YAE1: variants seen among roughly 807,000 people sequenced by gnomAD.
The protein encoded by YAE1 is YAE1 maturation factor of ABCE1.
YAE1 carries 22 observed loss-of-function variants against 23.0 expected under a neutral mutation model. The ratio of observed to expected loss-of-function variants is 0.96; its 90% confidence interval spans 0.68 to 1.37. The LOEUF (loss-of-function observed/expected upper bound fraction) is 1.37, where lower values mean the gene tolerates loss of function less well. YAE1 is among the 40% of genes most tolerant of loss of function. The pLI is 0.00. For synonymous variants in YAE1, 101 were observed against 97.0 expected, an observed-to-expected ratio of 1.04 and a Z score of -0.24; for missense variants, 260 against 262.1, an observed-to-expected ratio of 0.99 and a Z score of 0.06.
chr7:39,609,961 T>C, exon 3 of YAE1: 1 of 1,519,146 alleles, frequency 6.6e-7, no homozygotes, highest in Non-Finnish European at 8.8e-7. Context: ...TATAATAGAA[T>C]CATTATCAGA....
intron 2 of YAE1, among the ~76,000 whole-genome samples, chr7:39,587,431 T>C (rs1029085606): frequency 1.1e-4 from 17 of 152,162 alleles, no homozygotes; most frequent in African/African-American, 3.6e-4. Flanking sequence ...CAGTTAATCT[T>C]TACCACCCTT....
intron 2 of YAE1, among the ~76,000 whole-genome samples, chr7:39,603,264 G>A (rs1265941730): frequency 1.3e-5 from 2 of 152,100 alleles, no homozygotes; most frequent in Non-Finnish European, 2.9e-5. Flanking sequence ...TCAGCCTCCC[G>A]AGTAGCTGGG....
chr7:39,584,878 T>C (rs1790793596), intron 2 of YAE1, among the ~76,000 whole-genome samples: 1 of 152,056 alleles, frequency 6.6e-6, no homozygotes, highest in Non-Finnish European at 1.5e-5. Flanking sequence ...AATCATGCAA[T>C]TTATATAGCA....
intron 2 of YAE1, among the ~76,000 whole-genome samples, chr7:39,603,157 T>G (rs1791077896): frequency 6.6e-6 from 1 of 151,812 alleles, no homozygotes; most frequent in Non-Finnish European, 1.5e-5. Context: ...TTTGTTTGTT[T>G]GTTTGTTTTT....
intron 2 of YAE1, among the ~76,000 whole-genome samples, chr7:39,600,602 G>T (rs189789095): frequency 1.3e-5 from 2 of 152,024 alleles, no homozygotes; most frequent in African/African-American, 4.8e-5. Context: ...TCGCCATGTT[G>T]GTCAGGCTGG....
chr7:39,596,197 T>C (rs192337036), intron 2 of YAE1, among the ~76,000 whole-genome samples: 1 of 152,126 alleles, frequency 6.6e-6, no homozygotes, highest in Non-Finnish European at 1.5e-5. Context: ...GTCACTTATT[T>C]TTTTTTCTTT....
At chr7:39,580,373 CAA>C (rs1790722432) in intron 2 of YAE1, among the ~76,000 whole-genome samples, 2 of 152,184 alleles carry the variant, frequency 1.3e-5, no homozygotes, top group African/African-American at 4.8e-5. Context: ...CAAAAAGAGC[CAA>C]GAGTCCTCAG....
chr7:39,583,576 A>G (rs1230034400), intron 2 of YAE1, among the ~76,000 whole-genome samples: 1 of 152,260 alleles, frequency 6.6e-6, no homozygotes, highest in Admixed American at 6.5e-5. Context: ...TTGGTTCTCC[A>G]CATTGATTTG....
chr7:39,578,373 C>G (rs1463576660), intron 2 of YAE1, among the ~76,000 whole-genome samples: 3 of 152,090 alleles, frequency 2.0e-5, no homozygotes, highest in East Asian at 1.9e-4. Context: ...GGAATAAAAG[C>G]AGGCTGCCCA....
In YAE1 at chr7:39,579,647, AAC is replaced by A. The variant is rs1469681427; in HGVS notation, c.251+9022_251+9023del. ...CACGCCACTGCACTCCAGCCTGGAC[AAC>A]AGAGTGAGACTCTGTCTCAAAAAAA... On this transcript the variant is annotated intron_variant, in intron 2 of 2. Transcript: ENST00000432096. Among the ~76,000 whole-genome samples the A allele has an allele frequency of 8.8e-5, 13 of 146,920 alleles. No individual in the cohort carries two copies. The East Asian group carries it at 2.4e-3, about 27-fold the overall frequency.
At chr7:39,577,507 G>A (rs1000313582), downstream of YAE1, among the ~76,000 whole-genome samples, 8 of 152,222 alleles carry the variant, frequency 5.3e-5, no homozygotes, top group African/African-American at 9.6e-5. Context: ...TGCACTTGGA[G>A]TGGCCGGCCA....
chr7:39,570,901 G>A, intron 2 of YAE1: 1 of 316,910 alleles, frequency 3.2e-6, no homozygotes, highest in Non-Finnish European at 5.7e-6. Context: ...CTCATTGAAA[G>A]GTCTTCAGAT....
At chr7:39,605,224 T>C (rs1158589722) in intron 2 of YAE1, among the ~76,000 whole-genome samples, 1 of 152,184 alleles carries the variant, frequency 6.6e-6, no homozygotes, top group African/African-American at 2.4e-5. Context: ...GTCTGCAACC[T>C]ACTATGAGGT....
chr7:39,602,807 G>C (rs1008003805), intron 2 of YAE1, among the ~76,000 whole-genome samples: 3 of 152,206 alleles, frequency 2.0e-5, no homozygotes, highest in Non-Finnish European at 4.4e-5. Context: ...GGAGTGCCGT[G>C]GCACAATCTC....
At chr7:39,587,053 TTCTC>T (rs1458088038) in intron 2 of YAE1, among the ~76,000 whole-genome samples, 1 of 151,904 alleles carries the variant, frequency 6.6e-6, no homozygotes, top group Admixed American at 6.6e-5. Flanking sequence ...TTTTCTTTCT[TTCTC>T]TTTCTTTCTT....
chr7:39,604,537 T>C (rs1476352461), intron 2 of YAE1, among the ~76,000 whole-genome samples: 2 of 152,234 alleles, frequency 1.3e-5, no homozygotes, highest in African/African-American at 4.8e-5. Context: ...ATTGTGTTAA[T>C]ATATATATGT....
rs371626136 is a variant in YAE1, at chr7:39,583,731, C to CATCATTG, written c.251+13105_251+13111dup. ...TATAAAATGGAGGTAATGGTAGTGACATCATTGTTTCTGTGGGGATTACGT... is the reference window on the plus strand; with the variant it reads ...TATAAAATGGAGGTAATGGTAGTGACATCATTGATCATTGTTTCTGTGGGGATTACGT... On this transcript the variant is annotated intron_variant, in intron 2 of 2. Transcript: ENST00000432096. 4.5e-3 allele frequency among the ~76,000 whole-genome samples: 692 copies of CATCATTG among 152,282 alleles called. 3 individuals are homozygous for CATCATTG. Among genetic ancestry groups the CATCATTG allele is most frequent in the Non-Finnish European group, 7.3e-3 (499 of 68,024 alleles).
At chr7:39,588,988 T>C (rs1790862242) in intron 2 of YAE1, among the ~76,000 whole-genome samples, 1 of 151,828 alleles carries the variant, frequency 6.6e-6, no homozygotes, top group Non-Finnish European at 1.5e-5. Flanking sequence ...ACACCCGGAT[T>C]ATTTTTGTAT....
intron 2 of YAE1, among the ~76,000 whole-genome samples, chr7:39,592,864 A>G (rs1228427585): frequency 6.6e-6 from 1 of 152,168 alleles, no homozygotes; most frequent in Admixed American, 6.5e-5. Flanking sequence ...GCTTGCCAAA[A>G]TCATATATTT....
Sources: gnomAD v4.1 joint callset for allele counts (sites outside exome capture counted in the v4.1 genomes callset) on GRCh38, gnomAD v4.1.1 for gene constraint, MANE v1.5 for transcripts, NCBI Gene and HGNC (gene_info 2026-07-23, HGNC 2026-07-21) for gene names.